Variants in POFUT3 observed in about 807,000 individuals in gnomAD.
POFUT3 encodes the protein GDP-fucose protein O-fucosyltransferase 3.
the POFUT3 span, chr8:33,453,205 G>A: frequency 1.2e-6 from 2 of 1,612,210 alleles, no homozygotes; most frequent in Admixed American, 1.7e-5. Context: ...AAAGGCGAAA[G>A]TCCTGCTTAC....
At chr8:33,352,880 C>T in the POFUT3 span, among the ~76,000 whole-genome samples, 2 of 152,340 alleles carry the variant, frequency 1.3e-5, no homozygotes, top group Admixed American at 6.5e-5. Context: ...CTACAACAGA[C>T]ATCAAACAAT....
the POFUT3 span, among the ~76,000 whole-genome samples, chr8:33,465,508 G>T: frequency 1.3e-5 from 2 of 151,910 alleles, no homozygotes; most frequent in Non-Finnish European, 2.9e-5. Flanking sequence ...TGTTGCCCAG[G>T]CTGGAGTGCA....
chr8:33,309,138 TAAAAAAAAAAAAAAAAA>T, the POFUT3 span, among the ~76,000 whole-genome samples: 909 of 41,046 alleles, frequency 0.022, 10 homozygotes, highest in Non-Finnish European at 0.031. Flanking sequence ...CTGGGGAGTG[TAAAAAAAAAAAAAAAAA>T]AAAAAAAAAA....
chr8:33,390,133 T>C, the POFUT3 span, among the ~76,000 whole-genome samples: 4,397 of 152,216 alleles, frequency 0.029, 92 homozygotes, highest in Non-Finnish European at 0.044. Flanking sequence ...GAGGTGAAGA[T>C]TGAGCCACTG....
the POFUT3 span, among the ~76,000 whole-genome samples, chr8:33,339,627 T>A: frequency 6.6e-6 from 1 of 152,078 alleles, no homozygotes; most frequent in Non-Finnish European, 1.5e-5. Context: ...ACATATCACA[T>A]CATGATTAAA....
the POFUT3 span, among the ~76,000 whole-genome samples, chr8:33,430,482 C>A: frequency 6.6e-6 from 1 of 152,084 alleles, no homozygotes; most frequent in East Asian, 1.9e-4. Flanking sequence ...GGTTTAGTCA[C>A]CTTGAGAAAA....
At chr8:33,366,256 G>A in the POFUT3 span, among the ~76,000 whole-genome samples, 11 of 152,096 alleles carry the variant, frequency 7.2e-5, no homozygotes, top group East Asian at 3.9e-4. Context: ...AGGGCCTGTC[G>A]GGGATGGGAG....
At chr8:33,369,360 T>C in the POFUT3 span, among the ~76,000 whole-genome samples, 1 of 152,220 alleles carries the variant, frequency 6.6e-6, no homozygotes, top group African/African-American at 2.4e-5. Flanking sequence ...TTTTCAAGCA[T>C]TTTTATGTCT....
the POFUT3 span, among the ~76,000 whole-genome samples, chr8:33,388,557 G>A: frequency 2.6e-5 from 4 of 151,792 alleles, no homozygotes; most frequent in African/African-American, 4.8e-5. Flanking sequence ...GGCTGGTCTC[G>A]AACCCCTGGG....
chr8:33,316,079 G>A, the POFUT3 span, among the ~76,000 whole-genome samples: 5 of 152,096 alleles, frequency 3.3e-5, no homozygotes, highest in Non-Finnish European at 7.4e-5. Context: ...AAGAAACAAT[G>A]CCAGGAGTGC....
the POFUT3 span, among the ~76,000 whole-genome samples, chr8:33,359,243 T>C: frequency 6.6e-6 from 1 of 152,240 alleles, no homozygotes; most frequent in Non-Finnish European, 1.5e-5. Context: ...TACATCTTTT[T>C]TGTACTTCTT....
chr8:33,432,665 G>T, the POFUT3 span, among the ~76,000 whole-genome samples: 14 of 152,096 alleles, frequency 9.2e-5, no homozygotes, highest in Admixed American at 8.5e-4. Context: ...CAGAGTACCT[G>T]CTATACAGAA....
chr8:33,391,151 A>G, the POFUT3 span, among the ~76,000 whole-genome samples: 1 of 152,254 alleles, frequency 6.6e-6, no homozygotes, highest in Non-Finnish European at 1.5e-5. Flanking sequence ...AGAGCTCATA[A>G]AAATTAATTA....
At chr8:33,407,591 T>TAAA in the POFUT3 span, among the ~76,000 whole-genome samples, 1 of 151,590 alleles carries the variant, frequency 6.6e-6, no homozygotes. Flanking sequence ...TAAAAAAAAT[T>TAAA]TTTTATCTCA....
chr8:33,445,806 C>T, the POFUT3 span, among the ~76,000 whole-genome samples: 2 of 152,094 alleles, frequency 1.3e-5, no homozygotes, highest in African/African-American at 2.4e-5. Context: ...CATATGACTA[C>T]CCACAGCAGA....
At chr8:33,341,802 T>A in the POFUT3 span, among the ~76,000 whole-genome samples, 1 of 152,172 alleles carries the variant, frequency 6.6e-6, no homozygotes, top group Non-Finnish European at 1.5e-5. Context: ...CTAGTGCCTG[T>A]AATCCCAACA....
At chr8:33,418,839 G>A in the POFUT3 span, among the ~76,000 whole-genome samples, 1 of 152,088 alleles carries the variant, frequency 6.6e-6, no homozygotes, top group African/African-American at 2.4e-5. Context: ...GTGTCCAATG[G>A]ATGACCAGAT....
the POFUT3 span, among the ~76,000 whole-genome samples, chr8:33,339,487 C>T: frequency 0.042 from 6,398 of 152,060 alleles, 417 homozygotes; most frequent in African/African-American, 0.15. Context: ...TGGAAGGAAA[C>T]AAGAAAGAAA....
At chr8:33,333,255 A>C in the POFUT3 span, among the ~76,000 whole-genome samples, 30 of 152,208 alleles carry the variant, frequency 2.0e-4, no homozygotes, top group Admixed American at 2.0e-4. Context: ...TGTTTCAGGA[A>C]AAAGAAGGAA....
Sources: gnomAD v4.1 joint callset for allele counts (sites outside exome capture counted in the v4.1 genomes callset) on GRCh38, gnomAD v4.1.1 for gene constraint, MANE v1.5 for transcripts, NCBI Gene and HGNC (gene_info 2026-07-23, HGNC 2026-07-21) for gene names.